The following CD34 variants were observed in gnomAD, a reference collection of about 807,000 sequenced individuals.
CD34 encodes the protein hematopoietic progenitor cell antigen CD34.
Under a neutral mutation model 40.1 loss-of-function variants are expected in CD34, and 34 were observed. That is an observed-to-expected ratio of 0.85 (90% CI 0.65 to 1.13). The LOEUF is 1.13. Ranked by LOEUF, CD34 falls within the 50% of genes most tolerant of loss-of-function variation. The pLI, the probability that CD34 is intolerant of heterozygous loss-of-function variation, is 0.00. For missense variants in CD34, 426 were observed against 466.9 expected, an observed-to-expected ratio of 0.91 and a Z score of 0.81; for synonymous variants, 209 against 190.0, an observed-to-expected ratio of 1.10 and a Z score of -0.82.
chr1:207,890,497 G>A (rs1040405605), intron 4 of CD34: 1 of 152,788 alleles, frequency 6.5e-6, no homozygotes, highest in South Asian at 2.1e-4. Flanking sequence ...CTCTGTGGAG[G>A]AGAAAGCTTC....
Position 207,887,383 on chromosome 1 carries a change from T to A in CD34, c.*355A>T. The A allele has an allele frequency of 4.5e-6, 1 of 222,928 alleles. No homozygotes were observed. The highest frequency in any genetic ancestry group is 8.7e-6 in the Non-Finnish European group (1 of 114,340). The allele number at this position is 222,928 out of a possible 1,614,324, so 13.8% of individuals were successfully genotyped here. The stretch of plus-strand genomic sequence containing the variant: ...ATTGTAGCCTAGAAAAGCTCATCTT[T>A]CCCCTGGGGGTTCCTGTATTGCGGC... On this transcript the variant is annotated 3_prime_UTR_variant, in exon 8 of 8. Transcript: ENST00000310833.
At chr1:207,888,581 G>T in intron 7 of CD34, 101 bp downstream of exon 7, 1 of 1,145,044 alleles carries the variant, frequency 8.7e-7, no homozygotes, top group Middle Eastern at 3.0e-4. Context: ...CTCACAGAAG[G>T]GCTTTTTCTA....
In CD34 at chr1:207,885,190, G is replaced by A. The variant is rs1661878083; in HGVS notation, c.*2548C>T. 1 of 152,236 alleles carries A rather than the reference G, an allele frequency of 6.6e-6. No individual in the cohort carries two copies. The highest frequency in any genetic ancestry group is 1.5e-5 in the Non-Finnish European group (1 of 68,086). 9.4% of individuals were successfully genotyped at this position (152,236 alleles called of 1,614,324 possible). ...GAGGGTGGGGCAGCCAGGGAGAGAA[G>A]CCCAACATGGAGGCGATTGAGCTGA... On this transcript the variant is annotated 3_prime_UTR_variant, in exon 8 of 8. Coordinates refer to ENST00000310833, the MANE Select transcript of CD34 (RefSeq NM_001025109.2).
rs144756077 is a variant in CD34 at position 207,906,666 on chromosome 1, G to C, written c.79+4336C>G. Among the ~76,000 whole-genome samples, 303 of 152,114 alleles carry C rather than the reference G, an allele frequency of 2.0e-3. 5 individuals are homozygous for C. The highest frequency in any genetic ancestry group is 0.018 in the Admixed American group (280 of 15,292). On this transcript the variant is annotated intron_variant, in intron 1 of 7. Transcript: ENST00000310833. ...TCGAGACCAGCCTGACCAATATAGA[G>C]AAAACCCGTCTCTACTAAAAATACA...
intron 4 of CD34, among the ~76,000 whole-genome samples, chr1:207,896,160 C>T (rs1662146898): frequency 6.6e-6 from 1 of 152,210 alleles, no homozygotes; most frequent in Non-Finnish European, 1.5e-5. Context: ...TCTATGCATG[C>T]CAGCACATCA....
intron 7 of CD34, 69 bp from the exon 8 acceptor site, chr1:207,887,992 GC>G (rs1249021286): frequency 8.0e-7 from 1 of 1,249,150 alleles, no homozygotes; most frequent in East Asian, 5.6e-5. Context: ...TGGGAGAGGG[GC>G]CCAAACAGGA....
In CD34 at chr1:207,887,903, C is replaced by T. The variant is rs764229152; in HGVS notation, c.993G>A (p.Thr331=). Residue 331 remains threonine, a synonymous_variant, in exon 8 of 8, where the codon ACG becomes ACA. Transcript: ENST00000310833. ...TATAGCCCTGGCCTCCACCGTTTTC[C>T]GTGTAATAAGGGTCTTCGCCCTAGA... The part of the protein sequence containing the change: ...GERLGEDPYY[T]ENGGGQGYSS... 1.4e-5 allele frequency: 23 copies of T among 1,613,796 alleles called. No homozygotes were observed. Among genetic ancestry groups the T allele is most frequent in the Middle Eastern group, 1.6e-4 (1 of 6,082 alleles).
chr1:207,910,595 G>A (rs985846309), intron 1 of CD34, among the ~76,000 whole-genome samples: 2 of 152,062 alleles, frequency 1.3e-5, no homozygotes, highest in African/African-American at 2.4e-5. Flanking sequence ...TCCGCTCCGT[G>A]TCTATACTTT....
chr1:207,889,372 T>C (rs1372383273), intron 5 of CD34, 93 bp downstream of exon 5: 2 of 1,526,014 alleles, frequency 1.3e-6, no homozygotes, highest in Non-Finnish European at 1.8e-6. Flanking sequence ...GCACCTGTGG[T>C]CTCTCTGGAT....
chr1:207,908,639 G>A (rs1440491563), intron 1 of CD34, among the ~76,000 whole-genome samples: 1 of 152,156 alleles, frequency 6.6e-6, no homozygotes, highest in Non-Finnish European at 1.5e-5. Context: ...GGAAAGCTTG[G>A]AGGAAATAGA....
intron 6 of CD34, 132 bp downstream of exon 6, chr1:207,889,029 C>A: frequency 2.3e-6 from 2 of 880,682 alleles, no homozygotes; most frequent in South Asian, 1.5e-5. Context: ...ATTTTTGGTT[C>A]AAGACTAGAA....
rs760543727 is a variant in CD34 at position 207,899,839 on chromosome 1, C to T, written c.244G>A (p.Ala82Thr). Residue 82 changes from alanine to threonine, a missense_variant, in exon 2 of 8, where the codon GCC becomes ACC. Physicochemically the swap from Ala to Thr is moderately conservative, Grantham distance 58. Transcript: ENST00000310833. ...LHPVSQHGNE[A>T]TTNITETTVK... Reference sequence around the variant, plus strand: ...TTTTTACCTGTGATGTTTGTTGTGGCCTCATTGCCATGTTGAGACACAGGG... The same window carrying T: ...TTTTTACCTGTGATGTTTGTTGTGGTCTCATTGCCATGTTGAGACACAGGG... 30 of 1,611,456 alleles carry T rather than the reference C, an allele frequency of 1.9e-5. No individual in the cohort carries two copies. In the East Asian group the frequency reaches 2.9e-4, roughly 16 times the overall value.
rs1045255293 is a variant in CD34, at chr1:207,884,583, G to T, written c.*3155C>A. 6 of 152,244 alleles carry T rather than the reference G, an allele frequency of 3.9e-5. No individual in the cohort carries two copies. The highest frequency in any genetic ancestry group is 8.8e-5 in the Non-Finnish European group (6 of 68,038). 9.4% of individuals were successfully genotyped at this position (152,244 alleles called of 1,614,324 possible). A position where few individuals can be genotyped will look rare whatever the true frequency, so the allele number is the denominator to read the frequency against. On this transcript the variant is annotated 3_prime_UTR_variant, in exon 8 of 8. Transcript: ENST00000310833. ...ATCGATGACCTATTACTGGTTTTGT[G>T]TGAAGAGGAAGTGTGGGATTAATCT...
chr1:207,911,103 A>G lies in CD34; in HGVS notation c.-23T>C. On this transcript the variant is annotated 5_prime_UTR_variant, in exon 1 of 8. Coordinates refer to ENST00000310833, the MANE Select transcript of CD34 (RefSeq NM_001025109.2). ...CATCCTTCCCGCGCGGCTCCTAGAG[A>G]GACGCACCGAGTGGAAGACACTACT... 6.4e-7 allele frequency: 1 copy of G among 1,556,646 alleles called. No homozygotes were observed. Among genetic ancestry groups the G allele is most frequent in the Non-Finnish European group, 8.7e-7 (1 of 1,154,636 alleles).
chr1:207,898,901 G>A, intron 3 of CD34, 72 bp downstream of exon 3: 1 of 1,516,052 alleles, frequency 6.6e-7, no homozygotes, highest in Non-Finnish European at 9.1e-7. Flanking sequence ...GAGGGGTGGA[G>A]GGAAAGAAAC....
At chr1:207,898,855 C>A in intron 3 of CD34, 118 bp downstream of exon 3, 2 of 1,081,864 alleles carry the variant, frequency 1.8e-6, no homozygotes, top group Non-Finnish European at 2.8e-6. Context: ...CGTGCTGATT[C>A]CCACATGACC....
Position 207,899,814 on chromosome 1 carries a change from T to C in CD34, c.262+7A>G, listed in dbSNP as rs1424664361. ...TCTCCGGGATCTGACACAAATGCTG[T>C]TTTTACCTGTGATGTTTGTTGTGGC... On this transcript the variant is annotated splice_region_variant and intron_variant, in intron 2 of 7. Transcript: ENST00000310833. The C allele has an allele frequency of 6.2e-7, 1 of 1,605,980 alleles. No individual in the cohort carries two copies. Among genetic ancestry groups the C allele is most frequent in the Non-Finnish European group, 8.5e-7 (1 of 1,176,402 alleles).
chr1:207,911,032 A>C lies in CD34; in HGVS notation c.49T>G (p.Trp17Gly). 1 of 1,593,530 alleles carries C rather than the reference A, an allele frequency of 6.3e-7. No homozygotes were observed. The change falls in exon 1 of 8, where the codon TGG (tryptophan) becomes GGG (glycine). Residue 17 changes from tryptophan (W) to glycine (G), a missense_variant. By Grantham distance (184) the Trp-to-Gly change is radical. Coordinates refer to ENST00000310833, the MANE Select transcript of CD34 (RefSeq NM_001025109.2). ...ARAGPRMPRG[W>G]TALCLLSLLP... ...AAACTCAGCAAGCAAAGCGCGGTCC[A>C]GCCCCGCGGCATCCTGGGCCCTGCG...
rs145250996 is a variant in CD34 at position 207,901,523 on chromosome 1, T to G, written c.80-1520A>C. Among the ~76,000 whole-genome samples the G allele has an allele frequency of 3.2e-3, 487 of 152,362 alleles. 2 individuals carry two copies. The highest frequency in any genetic ancestry group is 0.01 in the Middle Eastern group (3 of 294). On this transcript the variant is annotated intron_variant, in intron 1 of 7. Transcript: ENST00000310833. ...GCACACATGCAATTGCCTTGCAATG[T>G]GAGCCAGAGTCATGGGTAGAAAGTA...
Sources: allele counts gnomAD v4.1 joint callset (sites outside exome capture counted in the v4.1 genomes callset), GRCh38; gene constraint gnomAD v4.1.1; transcripts MANE v1.5; gene names NCBI Gene and HGNC (gene_info 2026-07-23, HGNC 2026-07-21).